Variants in LPP observed in about 807,000 individuals in gnomAD.
The protein encoded by LPP is lipoma-preferred partner.
Under a neutral mutation model 60.4 loss-of-function variants are expected in LPP, and 38 were observed. The observed-to-expected ratio is 0.63, with a 90% CI of 0.49 to 0.83. LPP has a LOEUF of 0.83. Among genes scored for constraint, LPP ranks in the 40% least tolerant of loss-of-function variants. LPP has a pLI of 0.00. For synonymous variants in LPP, 328 were observed against 290.8 expected (o/e 1.13, Z -1.30); for missense variants, 902 against 783.6 (o/e 1.15, Z -1.80).
chr3:188,695,041 T>C (rs984779750), intron 7 of LPP, among the ~76,000 whole-genome samples: 2 of 152,310 alleles, frequency 1.3e-5, no homozygotes, highest in South Asian at 2.1e-4. Flanking sequence ...TCTCCACTTA[T>C]TATCACGGTA....
At chr3:188,549,500 G>A (rs1031364604) in intron 6 of LPP, among the ~76,000 whole-genome samples, 9 of 152,106 alleles carry the variant, frequency 5.9e-5, no homozygotes, top group African/African-American at 1.9e-4. Context: ...TGTAAGTAGC[G>A]ATTTTAAAGA....
intron 7 of LPP, among the ~76,000 whole-genome samples, chr3:188,635,462 C>T (rs1848553003): frequency 1.3e-5 from 2 of 152,180 alleles, no homozygotes; most frequent in Non-Finnish European, 2.9e-5. Context: ...TGAGAACAGG[C>T]TTATTCAGAT....
chr3:188,428,259 T>C (rs1789978415), intron 4 of LPP, among the ~76,000 whole-genome samples: 1 of 152,116 alleles, frequency 6.6e-6, no homozygotes, highest in Non-Finnish European at 1.5e-5. Context: ...GTCTAACCAG[T>C]CCCAGTGAGA....
At chr3:188,479,968 T>C (rs1022087218) in intron 4 of LPP, among the ~76,000 whole-genome samples, 4 of 152,210 alleles carry the variant, frequency 2.6e-5, no homozygotes, top group Admixed American at 2.6e-4. Flanking sequence ...TGGGGGCCTT[T>C]GTTTCATAAA....
intron 2 of LPP, among the ~76,000 whole-genome samples, chr3:188,312,137 G>GTA (rs1329825415): frequency 2.0e-5 from 3 of 150,362 alleles, no homozygotes; most frequent in African/African-American, 7.5e-5. Flanking sequence ...ATAAGCATGT[G>GTA]TATACACACA....
intron 9 of LPP, among the ~76,000 whole-genome samples, chr3:188,862,304 T>C (rs1338810422): frequency 1.3e-5 from 2 of 152,082 alleles, no homozygotes; most frequent in Admixed American, 6.6e-5. Flanking sequence ...GTCATAGAGG[T>C]TGACATAAAC....
intron 8 of LPP, among the ~76,000 whole-genome samples, chr3:188,724,635 C>T (rs1183754546): frequency 6.6e-6 from 1 of 152,176 alleles, no homozygotes; most frequent in Non-Finnish European, 1.5e-5. Flanking sequence ...GTTAATAACA[C>T]TTGAAATATG....
rs577637178 is a variant in LPP at position 188,789,182 on chromosome 3, C to G, written c.1410+28900C>G. Among the ~76,000 whole-genome samples, 4 of 152,186 alleles carry G rather than the reference C, an allele frequency of 2.6e-5. No homozygotes were observed. The South Asian group carries it at 8.3e-4, about 32-fold the overall frequency. On this transcript the variant is annotated intron_variant, in intron 9 of 11. Coordinates refer to ENST00000617246, the MANE Select transcript of LPP (RefSeq NM_001375462.1). ...ATAATGCTATTGCACACTTAATAGACTACCATATAGTGTAAACATAACCTT... is the reference window on the plus strand; with the variant it reads ...ATAATGCTATTGCACACTTAATAGAGTACCATATAGTGTAAACATAACCTT...
chr3:188,263,455 G>T (rs1159144998), intron 2 of LPP, among the ~76,000 whole-genome samples: 1 of 152,130 alleles, frequency 6.6e-6, no homozygotes, highest in Non-Finnish European at 1.5e-5. Context: ...TCCTCCATCT[G>T]GCATTTAAGG....
intron 6 of LPP, among the ~76,000 whole-genome samples, chr3:188,607,666 G>T (rs1420129391): frequency 6.6e-6 from 1 of 151,574 alleles, no homozygotes; most frequent in Non-Finnish European, 1.5e-5. Context: ...AATTTTTGAA[G>T]TTTTATTATG....
At chr3:188,679,149 C>T (rs1858831705) in intron 7 of LPP, among the ~76,000 whole-genome samples, 1 of 152,138 alleles carries the variant, frequency 6.6e-6, no homozygotes, top group African/African-American at 2.4e-5. Context: ...GATCTGGTCT[C>T]CAGTCACCCA....
rs954974037 is a variant in LPP at position 188,765,741 on chromosome 3, G to A, written c.1410+5459G>A. On this transcript the variant is annotated intron_variant, in intron 9 of 11. Transcript: ENST00000617246. The stretch of plus-strand genomic sequence containing the variant: ...TTCTTTTTTGAGATGTGGTCTTGCT[G>A]TTGTTGCCCAGGCTGAACTCAAACT... Among the ~76,000 whole-genome samples the A allele has an allele frequency of 4.0e-5, 6 of 151,070 alleles. No homozygotes were observed. In the South Asian group the frequency reaches 1.2e-3, roughly 31 times the overall value.
chr3:188,573,496 C>T (rs1197729716), intron 6 of LPP, among the ~76,000 whole-genome samples: 2 of 152,016 alleles, frequency 1.3e-5, no homozygotes, highest in South Asian at 2.1e-4. Context: ...CACTGACTTA[C>T]GTCGTAGCTT....
intron 9 of LPP, among the ~76,000 whole-genome samples, chr3:188,799,774 T>C (rs974937229): frequency 5.9e-5 from 9 of 152,206 alleles, no homozygotes; most frequent in Admixed American, 2.6e-4. Context: ...GCAACTTGCA[T>C]ATGTAGAGAG....
chr3:188,330,433 C>T (rs919249776), intron 2 of LPP, among the ~76,000 whole-genome samples: 17 of 152,238 alleles, frequency 1.1e-4, no homozygotes, highest in African/African-American at 2.2e-4. Flanking sequence ...TCTCATTCAC[C>T]GTTCAGTTGC....
At chr3:188,247,155 G>C (rs922114593) in intron 2 of LPP, 112 of 984,924 alleles carry the variant, frequency 1.1e-4, no homozygotes, top group Non-Finnish European at 1.3e-4. Flanking sequence ...ATGAAGGCAA[G>C]GAACTGTCCA....
intron 2 of LPP, among the ~76,000 whole-genome samples, chr3:188,243,087 C>T (rs1035512392): frequency 3.9e-5 from 6 of 152,070 alleles, no homozygotes; most frequent in African/African-American, 9.7e-5. Flanking sequence ...CAAAATAGCT[C>T]TTACAGTGAT....
Position 188,231,024 on chromosome 3 carries a change from G to C in LPP, c.-67+5497G>C, listed in dbSNP as rs1326820362. ...AGGACTTCAGTTTCTTGCCGTGTAGGGCTCTCTATAGGGCAGCTCACATGG... is the reference window on the plus strand; with the variant it reads ...AGGACTTCAGTTTCTTGCCGTGTAGCGCTCTCTATAGGGCAGCTCACATGG... On this transcript the variant is annotated intron_variant, in intron 2 of 11. Transcript: ENST00000617246. Among the ~76,000 whole-genome samples the C allele has an allele frequency of 2.0e-5, 3 of 152,074 alleles. 1 individual carries two copies. In the South Asian group the frequency reaches 6.2e-4, roughly 32 times the overall value.
At chr3:188,663,790 C>G (rs1855135856) in intron 7 of LPP, among the ~76,000 whole-genome samples, 1 of 152,178 alleles carries the variant, frequency 6.6e-6, no homozygotes, top group South Asian at 2.1e-4. Flanking sequence ...CAGTATGAAA[C>G]TCTTCCACCT....
Sources: allele counts gnomAD v4.1 joint callset (sites outside exome capture counted in the v4.1 genomes callset), GRCh38; gene constraint gnomAD v4.1.1; transcripts MANE v1.5; gene names NCBI Gene and HGNC (gene_info 2026-07-23, HGNC 2026-07-21).